DOCK9: variants seen among roughly 807,000 people sequenced by gnomAD.
DOCK9 encodes the protein dedicator of cytokinesis 9, also known as dedicator of cytokinesis protein 9.
A neutral mutation model predicts 263.3 loss-of-function variants in DOCK9; 89 were observed. The observed-to-expected ratio is 0.34, with a 90% CI of 0.28 to 0.40. The LOEUF is 0.40. DOCK9 is among the 10% of genes least tolerant of loss of function. The probability of loss-of-function intolerance (pLI) is 1.00; values close to 1 mark genes in which losing one functional copy is unlikely to be tolerated. For synonymous variants in DOCK9, 976 were observed against 973.1 expected (o/e 1.00, Z -0.06); for missense variants, 2,140 against 2,603.4 (o/e 0.82, Z 3.87).
chr13:98,944,425 GA>G (rs1011906546), intron 2 of DOCK9, among the ~76,000 whole-genome samples: 45 of 143,494 alleles, frequency 3.1e-4, no homozygotes, highest in Admixed American at 1.8e-3. Flanking sequence ...GCAGGCTGAG[GA>G]AAAAAAAAAT....
At chr13:99,033,761 C>T (rs1371120044) in intron 1 of DOCK9, among the ~76,000 whole-genome samples, 2 of 152,250 alleles carry the variant, frequency 1.3e-5, no homozygotes, top group African/African-American at 4.8e-5. Context: ...GACTTCTACT[C>T]TCACATCCCC....
At chr13:98,961,884 T>C (rs187548154) in intron 1 of DOCK9, among the ~76,000 whole-genome samples, 25 of 152,294 alleles carry the variant, frequency 1.6e-4, no homozygotes, top group Admixed American at 1.5e-3. Flanking sequence ...CATGGCACAA[T>C]TCAGACATGT....
At chr13:98,875,323 A>G (rs1413617312) in intron 27 of DOCK9, among the ~76,000 whole-genome samples, 1 of 108,664 alleles carries the variant, frequency 9.2e-6, no homozygotes, top group Non-Finnish European at 2.2e-5. Flanking sequence ...TCACATATGT[A>G]TAGTGTTTAC....
intron 15 of DOCK9, among the ~76,000 whole-genome samples, chr13:98,894,867 G>C (rs1267736718): frequency 6.6e-6 from 1 of 150,462 alleles, no homozygotes; most frequent in East Asian, 2.0e-4. Context: ...CCAGCACTTT[G>C]GGAAGCTGAG....
At chr13:99,060,228 C>A (rs1356672145) in intron 1 of DOCK9, among the ~76,000 whole-genome samples, 1 of 151,702 alleles carries the variant, frequency 6.6e-6, no homozygotes, top group Non-Finnish European at 1.5e-5. Context: ...CACCCGTCAC[C>A]GCACCCAGCT....
In DOCK9 at chr13:98,894,045, C is replaced by T. The variant is rs369134374; in HGVS notation, c.1709+3443G>A. On this transcript the variant is annotated intron_variant, in intron 15 of 52. Coordinates refer to ENST00000682017, the MANE Select transcript of DOCK9 (RefSeq NM_001366683.2). The stretch of plus-strand genomic sequence containing the variant: ...CTCACACTTGGTTTTCCCTGGGCTC[C>T]TTTCTGCCTGGCCACAGGCTTTCTG... Among the ~76,000 whole-genome samples, 232 of 152,268 alleles carry T rather than the reference C, an allele frequency of 1.5e-3. 8 individuals are homozygous for T. The South Asian group carries it at 0.045, about 30-fold the overall frequency.
intron 3 of DOCK9, among the ~76,000 whole-genome samples, chr13:98,929,670 A>AAT (rs1234139666): frequency 6.6e-6 from 1 of 151,636 alleles, no homozygotes; most frequent in East Asian, 1.9e-4. Context: ...TATAGTAATC[A>AAT]ATATATATAA....
intron 1 of DOCK9, among the ~76,000 whole-genome samples, 162 bp from the exon 2 acceptor site, chr13:98,955,713 C>CAA (rs1269589138): frequency 6.6e-6 from 1 of 152,156 alleles, no homozygotes; most frequent in Non-Finnish European, 1.5e-5. Flanking sequence ...TCCAAAGGGA[C>CAA]AAAAAATGCT....
At position 99,030,750 on chromosome 13, in the gene DOCK9, C is replaced by T. The variant is rs556087782; in HGVS notation, c.129+55473G>A. Among the ~76,000 whole-genome samples, 11 of 152,256 alleles carry T rather than the reference C, an allele frequency of 7.2e-5. No homozygotes were observed. The South Asian group carries it at 2.3e-3, about 32-fold the overall frequency. On this transcript the variant is annotated intron_variant, in intron 1 of 32. Transcript: ENST00000427887. ...CAAATACAACCAAATACATCATGTA[C>T]ATCACTGAAATTGTGCTTGACTTTG...
chr13:98,978,077 G>A (rs1875735468), upstream of DOCK9: 4 of 1,419,514 alleles, frequency 2.8e-6, no homozygotes, highest in African/African-American at 5.8e-5. Context: ...GGGGTGGGAA[G>A]GCATGACAGC....
intron 3 of DOCK9, among the ~76,000 whole-genome samples, chr13:98,927,792 T>C (rs1354759349): frequency 1.3e-5 from 2 of 152,032 alleles, no homozygotes; most frequent in East Asian, 3.9e-4. Flanking sequence ...GGCTACTTTT[T>C]GTATTTTTAG....
intron 1 of DOCK9, among the ~76,000 whole-genome samples, chr13:99,010,493 T>A (rs567349807): frequency 6.6e-6 from 1 of 152,332 alleles, no homozygotes; most frequent in Non-Finnish European, 1.5e-5. Context: ...AGCGTCCCCA[T>A]CATTTTTGTA....
chr13:98,845,882 A>G (rs763501347), intron 38 of DOCK9, 42 bp downstream of exon 38: 2 of 1,606,484 alleles, frequency 1.2e-6, no homozygotes, highest in South Asian at 2.2e-5. Context: ...GAGATGGCAC[A>G]TGAGATGGCT....
intron 2 of DOCK9, among the ~76,000 whole-genome samples, chr13:98,942,412 G>C (rs2056089129): frequency 6.6e-6 from 1 of 151,858 alleles, no homozygotes; most frequent in African/African-American, 2.4e-5. Context: ...CTAATTTTTT[G>C]TATTTTAAGT....
chr13:98,897,925 T>C (rs1304926864), intron 14 of DOCK9, among the ~76,000 whole-genome samples: 1 of 152,194 alleles, frequency 6.6e-6, no homozygotes, highest in Non-Finnish European at 1.5e-5. Context: ...TGGAGGCATG[T>C]GGTTGGGTCC....
chr13:98,811,600 T>C (rs1051297098), intron 45 of DOCK9, among the ~76,000 whole-genome samples: 6 of 152,116 alleles, frequency 3.9e-5, no homozygotes, highest in African/African-American at 1.4e-4. Flanking sequence ...TTAGTAGAGA[T>C]GGGGTTTTGC....
At chr13:98,943,201 T>C (rs1387926731) in intron 2 of DOCK9, among the ~76,000 whole-genome samples, 3 of 152,168 alleles carry the variant, frequency 2.0e-5, no homozygotes, top group Non-Finnish European at 4.4e-5. Flanking sequence ...AGAGTCAGCT[T>C]TGTAGATATA....
At chr13:99,056,918 C>T (rs72651892) in intron 1 of DOCK9, among the ~76,000 whole-genome samples, 69 of 152,340 alleles carry the variant, frequency 4.5e-4, no homozygotes, top group Non-Finnish European at 7.5e-4. Flanking sequence ...ACAGATGACC[C>T]CATGACTTGG....
At chr13:98,854,693 A>T (rs776776432) in intron 34 of DOCK9, 2 of 152,124 alleles carry the variant, frequency 1.3e-5, no homozygotes, top group Non-Finnish European at 2.9e-5. Context: ...CCTCCTCTTC[A>T]GCACTGCGTA....
Sources: gnomAD v4.1 joint callset for allele counts (sites outside exome capture counted in the v4.1 genomes callset) on GRCh38, gnomAD v4.1.1 for gene constraint, MANE v1.5 for transcripts, NCBI Gene and HGNC (gene_info 2026-07-23, HGNC 2026-07-21) for gene names.